The following QPRT variants were observed in gnomAD, a reference collection of about 807,000 sequenced individuals.
QPRT encodes quinolinate phosphoribosyltransferase.
QPRT carries 17 observed loss-of-function variants against 19.8 expected under a neutral mutation model. That is an observed-to-expected ratio of 0.86 (90% CI 0.59 to 1.29). The LOEUF (loss-of-function observed/expected upper bound fraction) is 1.29, where lower values mean the gene tolerates loss of function less well. QPRT is among the 50% of genes most tolerant of loss of function. The pLI is 0.00. For missense variants in QPRT, 336 were observed against 405.1 expected (o/e 0.83, Z 1.46); for synonymous variants, 178 against 191.0 (o/e 0.93, Z 0.56).
chr16:29,689,971 T>A (rs993981987), intron 1 of QPRT, among the ~76,000 whole-genome samples: 23 of 152,128 alleles, frequency 1.5e-4, no homozygotes, highest in African/African-American at 5.3e-4. Flanking sequence ...CCCTTCACTA[T>A]CTTGGTGTCT....
chr16:29,692,565 CAA>C (rs59259546), intron 1 of QPRT, among the ~76,000 whole-genome samples: 25 of 111,402 alleles, frequency 2.2e-4, no homozygotes, highest in Admixed American at 2.8e-4. Flanking sequence ...AGACTATCTC[CAA>C]AAAAAAAAAA....
intron 1 of QPRT, among the ~76,000 whole-genome samples, chr16:29,693,058 T>A (rs1165266858): frequency 7.0e-6 from 1 of 141,864 alleles, no homozygotes; most frequent in Admixed American, 7.0e-5. Flanking sequence ...TGAGATTCTG[T>A]CTCAAAAAAA....
In QPRT at chr16:29,697,708, G is replaced by A. The variant is rs552614583; in HGVS notation, c.*297G>A. On this transcript the variant is annotated 3_prime_UTR_variant, in exon 4 of 4. Transcript: ENST00000395384. The surrounding 1 kb of genome is among the most constrained non-coding windows in gnomAD (Gnocchi z 4.4). Reference sequence around the variant, plus strand: ...ATGTCAGAAGTTACCTGGGACAGCCGGGCACGATGGCTCACACCTGTAATC... The same window carrying A: ...ATGTCAGAAGTTACCTGGGACAGCCAGGCACGATGGCTCACACCTGTAATC... 2.3e-5 allele frequency: 8 copies of A among 346,612 alleles called. No individual in the cohort carries two copies. The highest frequency in any genetic ancestry group is 1.7e-4 in the East Asian group (3 of 17,370). The allele number at this position is 346,612 out of a possible 1,614,324, so 21.5% of individuals were successfully genotyped here.
intron 1 of QPRT, among the ~76,000 whole-genome samples, chr16:29,693,837 G>A (rs770260573): frequency 2.6e-5 from 4 of 152,032 alleles, no homozygotes; most frequent in Admixed American, 6.6e-5. Flanking sequence ...TGATCCTCCC[G>A]CCTTGGCCTC....
At chr16:29,685,125 C>G (rs1222093907) in intron 1 of QPRT, among the ~76,000 whole-genome samples, 1 of 152,198 alleles carries the variant, frequency 6.6e-6, no homozygotes, top group South Asian at 2.1e-4. Flanking sequence ...GAGCTACTGT[C>G]AAAGTTCAGG....
At position 29,679,831 on chromosome 16, in the gene QPRT, A is replaced by C. The variant is rs74017627; in HGVS notation, c.13+621A>C. Among the ~76,000 whole-genome samples the C allele has an allele frequency of 8.1e-3, 1,238 of 152,294 alleles. 20 individuals carry two copies. The highest frequency in any genetic ancestry group is 0.029 in the African/African-American group (1,186 of 41,566). On this transcript the variant is annotated intron_variant, in intron 1 of 3. Coordinates refer to ENST00000395384, the MANE Select transcript of QPRT (RefSeq NM_014298.6). Reference sequence around the variant, plus strand: ...TTTATTGAGTACAATCTTTTGATCTAAGAAGCAGATGGTACGGGGTGAAAC... The same window carrying C: ...TTTATTGAGTACAATCTTTTGATCTCAGAAGCAGATGGTACGGGGTGAAAC...
chr16:29,686,100 T>C (rs892971512), intron 1 of QPRT, among the ~76,000 whole-genome samples: 1 of 152,128 alleles, frequency 6.6e-6, no homozygotes, highest in African/African-American at 2.4e-5. Context: ...CCTCAGGTGA[T>C]CGGCCCACCT....
At chr16:29,680,572 TG>T (rs1271810659) in intron 1 of QPRT, among the ~76,000 whole-genome samples, 8 of 152,096 alleles carry the variant, frequency 5.3e-5, no homozygotes, top group African/African-American at 1.9e-4. Flanking sequence ...CCACCAGGGA[TG>T]GGGCTGTGTG....
At chr16:29,695,417 A>G (rs921524869) in intron 2 of QPRT, among the ~76,000 whole-genome samples, 2 of 148,794 alleles carry the variant, frequency 1.3e-5, no homozygotes, top group Non-Finnish European at 3.0e-5. Flanking sequence ...CTTTTTCTGG[A>G]GATGGGGCCT....
At chr16:29,679,014 C>T, upstream of QPRT, 1 of 1,000,972 alleles carries the variant, frequency 1.0e-6, no homozygotes, top group South Asian at 1.7e-5. Context: ...CTCTGACTTT[C>T]AGGGCCTGCT....
chr16:29,684,896 G>T (rs1325014290), intron 1 of QPRT, among the ~76,000 whole-genome samples: 2 of 152,176 alleles, frequency 1.3e-5, no homozygotes, highest in African/African-American at 4.8e-5. Flanking sequence ...AGGGGAACAG[G>T]GGTGCCCGCG....
chr16:29,681,493 C>CTTTTTTTTTTTTT (rs10680462), intron 1 of QPRT, among the ~76,000 whole-genome samples: 1 of 97,152 alleles, frequency 1.0e-5, no homozygotes, highest in East Asian at 3.2e-4. Context: ...GATCCAGATT[C>CTTTTTTTTTTTTT]TTTTTTTTTT....
At chr16:29,687,216 G>A (rs1356141662) in intron 1 of QPRT, among the ~76,000 whole-genome samples, 1 of 152,104 alleles carries the variant, frequency 6.6e-6, no homozygotes, top group African/African-American at 2.4e-5. Flanking sequence ...CACAGTCTAC[G>A]GCTGTTTCCT....
rs773418494 is a variant in QPRT, at chr16:29,697,420, C to T, written c.*9C>T. The T allele has an allele frequency of 1.6e-5, 25 of 1,605,226 alleles. No homozygotes were observed. The highest frequency in any genetic ancestry group is 9.4e-5 in the African/African-American group (7 of 74,858). On this transcript the variant is annotated 3_prime_UTR_variant, in exon 4 of 4. Coordinates refer to ENST00000395384, the MANE Select transcript of QPRT (RefSeq NM_014298.6). The surrounding 1 kb of genome is among the most constrained non-coding windows in gnomAD (Gnocchi z 4.4). ...TGCCCAAAATCCACTAGTCCTAAAC[C>T]GGAAGAGGATGACACCGGCCATGGG...
chr16:29,679,030 A>C, upstream of QPRT: 2 of 1,149,870 alleles, frequency 1.7e-6, no homozygotes, highest in Non-Finnish European at 2.5e-6. Context: ...CTGCTGAGGA[A>C]TCTGCAGGCC....
intron 1 of QPRT, among the ~76,000 whole-genome samples, chr16:29,683,207 A>G (rs1967064833): frequency 6.6e-6 from 1 of 151,736 alleles, no homozygotes; most frequent in Non-Finnish European, 1.5e-5. Flanking sequence ...GTATTTTTTT[A>G]GTAGAGACAG....
At chr16:29,679,111 C>A, upstream of QPRT, 1 of 1,612,180 alleles carries the variant, frequency 6.2e-7, no homozygotes, top group Non-Finnish European at 8.5e-7. Flanking sequence ...GCCCTCCCTC[C>A]CTCCACAGTC....
chr16:29,694,664 GCCTGGCGCTGCTGCTGCCGCCCGTCAC>G lies in QPRT; in HGVS notation c.21_47del (p.Leu8_Ala16del), dbSNP rs1257122410. ...AACAGCTGTTCTCTCTTCCCCCCAG[GCCTGGCGCTGCTGCTGCCGCCCGTCAC>G]CCTGGCAGCCCTGGTGGACAGCTGG... On this transcript the variant is annotated inframe_deletion and splice_region_variant, in exon 2 of 4. Transcript: ENST00000395384. The G allele has an allele frequency of 1.3e-6, 2 of 1,540,432 alleles. No individual in the cohort carries two copies. The highest frequency in any genetic ancestry group is 1.7e-6 in the Non-Finnish European group (2 of 1,143,504).
rs1967568508 is a variant in QPRT at position 29,697,174 on chromosome 16, C to T, written c.682-25C>T. 1.9e-6 allele frequency: 3 copies of T among 1,599,318 alleles called. No homozygotes were observed. The highest frequency in any genetic ancestry group is 1.1e-5 in the South Asian group (1 of 90,118). On this transcript the variant is annotated intron_variant, in intron 3 of 3. Transcript: ENST00000395384. This position sits in a 1 kb window ranked among gnomAD's most constrained non-coding sequence, Gnocchi z 4.4. The stretch of plus-strand genomic sequence containing the variant: ...GGGAGGGATCTGTGGTGGGCTCTTA[C>T]CTCCCCTTGGCTTGTGTCCCGCAGG...
Sources: allele counts gnomAD v4.1 joint callset (sites outside exome capture counted in the v4.1 genomes callset), GRCh38; gene constraint gnomAD v4.1.1; non-coding constraint Gnocchi (gnomAD v3.1); transcripts MANE v1.5; gene names NCBI Gene and HGNC (gene_info 2026-07-23, HGNC 2026-07-21).